The following MTMR7 variants were observed in gnomAD, a reference collection of about 807,000 sequenced individuals.
MTMR7 encodes phosphatidylinositol-3-phosphate phosphatase MTMR7.
A neutral mutation model predicts 81.2 loss-of-function variants in MTMR7; 76 were observed. The observed-to-expected ratio is 0.94, with a 90% CI of 0.78 to 1.13. The LOEUF (loss-of-function observed/expected upper bound fraction) is 1.13, where lower values mean the gene tolerates loss of function less well. Among genes scored for constraint, MTMR7 ranks in the 50% most tolerant of loss-of-function variants. The pLI is 0.00. For synonymous variants in MTMR7, 372 were observed against 289.8 expected, an observed-to-expected ratio of 1.28 and a Z score of -2.88; for missense variants, 1,044 against 820.0, an observed-to-expected ratio of 1.27 and a Z score of -3.34.
intron 1 of MTMR7, among the ~76,000 whole-genome samples, chr8:17,381,828 T>C (rs978781323): frequency 2.0e-5 from 3 of 152,202 alleles, no homozygotes; most frequent in Non-Finnish European, 4.4e-5. Context: ...ATCATGACAT[T>C]TTCTAACTCT....
chr8:17,409,806 T>G (rs1821689931), intron 1 of MTMR7, among the ~76,000 whole-genome samples: 1 of 152,116 alleles, frequency 6.6e-6, no homozygotes, highest in South Asian at 2.1e-4. Flanking sequence ...AGATGAGGTA[T>G]TTAGCCAGGT....
At chr8:17,411,486 A>G (rs1390101245) in intron 1 of MTMR7, among the ~76,000 whole-genome samples, 1 of 152,212 alleles carries the variant, frequency 6.6e-6, no homozygotes. Flanking sequence ...CTGGCACATG[A>G]AAGGTTCTAA....
intron 6 of MTMR7, among the ~76,000 whole-genome samples, chr8:17,341,157 G>T (rs1380914306): frequency 3.3e-5 from 5 of 152,250 alleles, no homozygotes; most frequent in African/African-American, 9.6e-5. Context: ...GGGGAAATAT[G>T]AAATGTACTT....
intron 3 of MTMR7, among the ~76,000 whole-genome samples, chr8:17,365,503 G>A (rs1191134776): frequency 6.6e-6 from 1 of 152,124 alleles, no homozygotes; most frequent in African/African-American, 2.4e-5. Context: ...CATGTTAAAA[G>A]CTCCTCTGGC....
intron 5 of MTMR7, among the ~76,000 whole-genome samples, chr8:17,344,290 T>C (rs1035152951): frequency 6.6e-6 from 1 of 152,010 alleles, no homozygotes; most frequent in African/African-American, 2.4e-5. Context: ...TGGGAGGAAA[T>C]AGGTCAGGCA....
In MTMR7 at chr8:17,297,063, A is replaced by G. The variant is rs894763197; in HGVS notation, c.*2799T>C. On this transcript the variant is annotated 3_prime_UTR_variant, in exon 14 of 14. Transcript: ENST00000180173. ...CCATTTTTTCTAATTTTATGGCTAT[A>G]TATTTTCTTCATAAAAATTGGTCAC... 1.3e-5 allele frequency: 2 copies of G among 152,170 alleles called. No homozygotes were observed. The highest frequency in any genetic ancestry group is 3.8e-4 in the East Asian group (2 of 5,202). The allele number at this position is 152,170 out of a possible 1,614,324, so 9.4% of individuals were successfully genotyped here. A position where few individuals can be genotyped will look rare whatever the true frequency, so the allele number is the denominator to read the frequency against.
intron 6 of MTMR7, among the ~76,000 whole-genome samples, chr8:17,339,755 A>G (rs1362992105): frequency 6.6e-6 from 1 of 152,216 alleles, no homozygotes; most frequent in Non-Finnish European, 1.5e-5. Flanking sequence ...TCTCTTGGTT[A>G]TATACCTAGG....
At chr8:17,324,182 A>G (rs751387414) in intron 7 of MTMR7, among the ~76,000 whole-genome samples, 1 of 152,198 alleles carries the variant, frequency 6.6e-6, no homozygotes, top group African/African-American at 2.4e-5. Context: ...AAAATTGGTT[A>G]CTTCTTTCAG....
intron 7 of MTMR7, among the ~76,000 whole-genome samples, chr8:17,329,173 T>C (rs1009044587): frequency 2.0e-5 from 3 of 151,818 alleles, no homozygotes; most frequent in African/African-American, 7.3e-5. Flanking sequence ...ACCAGTAGTA[T>C]GAGCCTTCAT....
chr8:17,315,459 A>G (rs1376569566), intron 7 of MTMR7, among the ~76,000 whole-genome samples: 6 of 152,180 alleles, frequency 3.9e-5, no homozygotes, highest in Admixed American at 6.5e-5. Context: ...GGAACCGTAC[A>G]GTGGACTTTG....
At chr8:17,320,552 A>G (rs1818330199) in intron 7 of MTMR7, among the ~76,000 whole-genome samples, 1 of 152,150 alleles carries the variant, frequency 6.6e-6, no homozygotes, top group Non-Finnish European at 1.5e-5. Context: ...CTAGAAGCCA[A>G]TTTCCATAAA....
chr8:17,306,013 GCCATAAATGCAAAAACAA>G, intron 10 of MTMR7, 56 bp from the exon 11 acceptor site: 1 of 1,419,280 alleles, frequency 7.0e-7, no homozygotes, highest in Non-Finnish European at 9.7e-7. Context: ...AAAGTACAAA[GCCATAAATGCAAAAACAA>G]CCATAAAAGC....
At chr8:17,338,328 C>T (rs896712983) in intron 6 of MTMR7, among the ~76,000 whole-genome samples, 6 of 152,170 alleles carry the variant, frequency 3.9e-5, no homozygotes, top group South Asian at 2.1e-4. Flanking sequence ...ACAGCTGCCA[C>T]GTTTCCTAGA....
At chr8:17,357,052 C>T (rs1284603537) in intron 4 of MTMR7, among the ~76,000 whole-genome samples, 2 of 151,880 alleles carry the variant, frequency 1.3e-5, no homozygotes, top group South Asian at 4.2e-4. Flanking sequence ...GACAACAAAA[C>T]ACAACCAACA....
intron 1 of MTMR7, among the ~76,000 whole-genome samples, chr8:17,402,899 C>T (rs554126477): frequency 6.6e-6 from 1 of 152,176 alleles, no homozygotes; most frequent in Non-Finnish European, 1.5e-5. Flanking sequence ...CTTATCCTTG[C>T]CAGCATTTGT....
chr8:17,319,142 T>C (rs1329033969), intron 7 of MTMR7, among the ~76,000 whole-genome samples: 1 of 152,184 alleles, frequency 6.6e-6, no homozygotes, highest in African/African-American at 2.4e-5. Context: ...CACGTAGCAA[T>C]GTTTAAGGGC....
At chr8:17,361,368 A>G in intron 3 of MTMR7, 94 bp from the exon 4 acceptor site, 1 of 1,422,854 alleles carries the variant, frequency 7.0e-7, no homozygotes, top group Non-Finnish European at 9.8e-7. Context: ...GAGTGCCCAG[A>G]GAGGCCATCC....
At chr8:17,393,355 A>G (rs1460851587) in intron 1 of MTMR7, among the ~76,000 whole-genome samples, 1 of 152,194 alleles carries the variant, frequency 6.6e-6, no homozygotes, top group Non-Finnish European at 1.5e-5. Context: ...CACCTAAAGT[A>G]TGAGCAACCA....
chr8:17,361,180 T>C lies in MTMR7; in HGVS notation c.405A>G (p.Glu135=), dbSNP rs1820048644. Residue 135 remains glutamate, a synonymous_variant, in exon 4 of 14, where the codon GAA becomes GAG. Coordinates refer to ENST00000180173, the MANE Select transcript of MTMR7 (RefSeq NM_004686.5). ...QGWVLIDLSE[E]YTRMGLPNHY... is the part of the protein sequence containing the mutation. ...GATTAGGGAGGCCCATCCGCGTGTA[T>C]TCTTCACTAAGATCGATCAGCACCC... is the stretch of plus-strand genomic sequence containing the variant. 6.2e-7 allele frequency: 1 copy of C among 1,614,074 alleles called. No individual in the cohort carries two copies. The highest frequency in any genetic ancestry group is 1.6e-4 in the Middle Eastern group (1 of 6,084).
Sources: gnomAD v4.1 joint callset for allele counts (sites outside exome capture counted in the v4.1 genomes callset) on GRCh38, gnomAD v4.1.1 for gene constraint, MANE v1.5 for transcripts, NCBI Gene and HGNC (gene_info 2026-07-23, HGNC 2026-07-21) for gene names.